Variants in AGMO observed in about 807,000 individuals in gnomAD.
AGMO encodes alkylglycerol monooxygenase.
A neutral mutation model predicts 60.2 loss-of-function variants in AGMO; 75 were observed. That is an observed-to-expected ratio of 1.25 (90% CI 1.03 to 1.51). The LOEUF is 1.51. Among genes scored for constraint, AGMO ranks in the 40% most tolerant of loss-of-function variants. The pLI is 0.00. For missense variants in AGMO, 763 were observed against 525.5 expected (o/e 1.45, Z -4.42); for synonymous variants, 261 against 177.1 (o/e 1.47, Z -3.76).
chr7:15,142,282 TATTA>T, the AGMO span, among the ~76,000 whole-genome samples: 1 of 152,176 alleles, frequency 6.6e-6, no homozygotes, highest in African/African-American at 2.4e-5. Context: ...CAAAGTTAGT[TATTA>T]TTAGGGCCCC....
At chr7:15,417,887 A>T (rs1780818809) in intron 5 of AGMO, among the ~76,000 whole-genome samples, 1 of 152,206 alleles carries the variant, frequency 6.6e-6, no homozygotes, top group Non-Finnish European at 1.5e-5. Context: ...GCTTGTGTGT[A>T]TAGGTAAGAA....
At chr7:15,296,741 G>A (rs949398177) in intron 12 of AGMO, among the ~76,000 whole-genome samples, 1 of 152,134 alleles carries the variant, frequency 6.6e-6, no homozygotes, top group African/African-American at 2.4e-5. Context: ...AAACCACAAT[G>A]TAGGTACTTT....
At chr7:15,470,814 T>A (rs1456412056) in intron 3 of AGMO, among the ~76,000 whole-genome samples, 1 of 151,934 alleles carries the variant, frequency 6.6e-6, no homozygotes, top group East Asian at 1.9e-4. Context: ...CCAATAAACA[T>A]AAATACTTAC....
intron 6 of AGMO, among the ~76,000 whole-genome samples, chr7:15,391,959 A>G (rs1370960465): frequency 6.6e-6 from 1 of 152,110 alleles, no homozygotes; most frequent in African/African-American, 2.4e-5. Flanking sequence ...ACGTTGGGAA[A>G]CCCTGATATA....
intron 12 of AGMO, among the ~76,000 whole-genome samples, chr7:15,280,829 A>C (rs939456015): frequency 1.2e-4 from 19 of 152,188 alleles, no homozygotes; most frequent in Non-Finnish European, 2.6e-4. Context: ...TTACTACTAC[A>C]ATCAGTATCT....
intron 12 of AGMO, among the ~76,000 whole-genome samples, chr7:15,361,693 G>T (rs1200166983): frequency 6.6e-6 from 1 of 151,934 alleles, no homozygotes; most frequent in Non-Finnish European, 1.5e-5. Context: ...ATGAAGTGTG[G>T]TTATATCTTC....
chr7:15,545,326 G>C (rs989605940), intron 2 of AGMO, among the ~76,000 whole-genome samples: 6 of 151,960 alleles, frequency 3.9e-5, no homozygotes, highest in African/African-American at 1.5e-4. Flanking sequence ...AATTTAAAAG[G>C]CAGAAAATTA....
intron 12 of AGMO, among the ~76,000 whole-genome samples, chr7:15,352,647 G>C (rs373540199): frequency 7.9e-5 from 12 of 151,948 alleles, no homozygotes; most frequent in East Asian, 5.8e-4. Context: ...TGATGGTAGG[G>C]AAACCAGCTT....
chr7:15,351,886 G>A (rs1158777938), intron 12 of AGMO, among the ~76,000 whole-genome samples: 1 of 147,058 alleles, frequency 6.8e-6, no homozygotes, highest in Non-Finnish European at 1.5e-5. Context: ...TAGCACTATG[G>A]ATTATGAATC....
chr7:15,511,949 G>A (rs1434128001), intron 3 of AGMO, among the ~76,000 whole-genome samples: 1 of 151,298 alleles, frequency 6.6e-6, no homozygotes, highest in Non-Finnish European at 1.5e-5. Flanking sequence ...CCTTAGTCTG[G>A]GACTTACTGT....
chr7:15,283,112 C>T (rs1039203386), intron 12 of AGMO, among the ~76,000 whole-genome samples: 5 of 151,996 alleles, frequency 3.3e-5, no homozygotes, highest in South Asian at 2.1e-4. Flanking sequence ...AACAAAAGTC[C>T]TATATGAAAC....
chr7:15,234,243 G>C (rs1253282357), intron 12 of AGMO, among the ~76,000 whole-genome samples: 1 of 152,156 alleles, frequency 6.6e-6, no homozygotes, highest in Non-Finnish European at 1.5e-5. Flanking sequence ...TGAGGTTCAT[G>C]ATTACCTTTC....
chr7:15,438,900 G>A (rs1388442554), intron 3 of AGMO, among the ~76,000 whole-genome samples: 3 of 152,174 alleles, frequency 2.0e-5, no homozygotes, highest in Non-Finnish European at 2.9e-5. Flanking sequence ...TGAATGTGAT[G>A]CAATAACCAC....
At chr7:15,288,277 G>C (rs181449827) in intron 12 of AGMO, among the ~76,000 whole-genome samples, 36 of 152,030 alleles carry the variant, frequency 2.4e-4, no homozygotes, top group Middle Eastern at 6.8e-3. Flanking sequence ...CGAAAATACA[G>C]TACAAATTTT....
the AGMO span, among the ~76,000 whole-genome samples, chr7:15,135,979 C>CTTTTTTTTTTTTTTTTTTTTTGTTTT: frequency 8.4e-5 from 9 of 106,860 alleles, no homozygotes; most frequent in South Asian, 6.7e-4. Flanking sequence ...TTTTTCTTTT[C>CTTTTTTTTTTTTTTTTTTTTTGTTTT]TTTTTTTTTT....
At chr7:15,417,487 T>G (rs1054037437) in intron 5 of AGMO, among the ~76,000 whole-genome samples, 11 of 152,258 alleles carry the variant, frequency 7.2e-5, no homozygotes, top group African/African-American at 2.4e-4. Context: ...AACCCCTCCA[T>G]GTAAATCATC....
At chr7:15,318,267 G>A (rs1781001516) in intron 12 of AGMO, among the ~76,000 whole-genome samples, 1 of 151,994 alleles carries the variant, frequency 6.6e-6, no homozygotes, top group Admixed American at 6.6e-5. Flanking sequence ...GCCTCACAAT[G>A]TGCTGGAATT....
Position 15,201,379 on chromosome 7 carries a change from A to C in AGMO, c.1264-20T>G, listed in dbSNP as rs1325296864. ...AACAATCTGAAGAAATAAAACACAA[A>C]GAGAAAAAAAAATTAGAAGTGAATC... On this transcript the variant is annotated intron_variant, in intron 12 of 12. Transcript: ENST00000342526. 1 of 1,579,230 alleles carries C rather than the reference A, an allele frequency of 6.3e-7. No homozygotes were observed. Among genetic ancestry groups the C allele is most frequent in the African/African-American group, 1.4e-5 (1 of 74,008 alleles).
the AGMO span, among the ~76,000 whole-genome samples, chr7:15,124,524 G>C: frequency 6.6e-6 from 1 of 151,980 alleles, no homozygotes; most frequent in Admixed American, 6.6e-5. Context: ...ATCAGATAAA[G>C]CTTCTCCTGC....
Sources: allele counts gnomAD v4.1 joint callset (sites outside exome capture counted in the v4.1 genomes callset), GRCh38; gene constraint gnomAD v4.1.1; transcripts MANE v1.5; gene names NCBI Gene and HGNC (gene_info 2026-07-23, HGNC 2026-07-21).